The following PLEKHG1 variants were observed in gnomAD, a reference collection of about 807,000 sequenced individuals.
PLEKHG1 encodes pleckstrin homology domain-containing family G member 1.
Under a neutral mutation model 100.8 loss-of-function variants are expected in PLEKHG1, and 44 were observed. The ratio of observed to expected loss-of-function variants is 0.44; its 90% CI spans 0.34 to 0.56. PLEKHG1 has a LOEUF of 0.56. PLEKHG1 is among the 20% of genes least tolerant of loss of function. The probability of loss-of-function intolerance (pLI) is 0.01; values close to 1 mark genes in which losing one functional copy is unlikely to be tolerated. For missense variants in PLEKHG1, 1,545 were observed against 1,720.9 expected, an observed-to-expected ratio of 0.90 and a Z score of 1.81; for synonymous variants, 640 against 662.5, an observed-to-expected ratio of 0.97 and a Z score of 0.52.
At chr6:150,785,940 T>C (rs760234139) in intron 3 of PLEKHG1, among the ~76,000 whole-genome samples, 3 of 151,870 alleles carry the variant, frequency 2.0e-5, no homozygotes, top group Non-Finnish European at 4.4e-5. Flanking sequence ...ATCCCCACAA[T>C]CCAGTCTGTG....
intron 1 of PLEKHG1, among the ~76,000 whole-genome samples, chr6:150,629,428 A>G (rs933077514): frequency 6.6e-6 from 1 of 152,132 alleles, no homozygotes; most frequent in Admixed American, 6.5e-5. Flanking sequence ...CCTTTAAGAC[A>G]TGTGACAAAG....
At chr6:150,616,947 A>G (rs528282375) in intron 1 of PLEKHG1, among the ~76,000 whole-genome samples, 6 of 152,374 alleles carry the variant, frequency 3.9e-5, no homozygotes, top group East Asian at 1.9e-4. Flanking sequence ...TATGACCTCA[A>G]TTGAGGGAGA....
intron 15 of PLEKHG1, among the ~76,000 whole-genome samples, chr6:150,838,386 A>G (rs554388663): frequency 6.6e-6 from 1 of 152,104 alleles, no homozygotes; most frequent in African/African-American, 2.4e-5. Context: ...CTTTCTTAAA[A>G]CATTAAGGGT....
Position 150,756,832 on chromosome 6 carries a change from G to A in PLEKHG1, c.412-11806G>A, listed in dbSNP as rs558797825. On this transcript the variant is annotated intron_variant, in intron 2 of 15. Transcript: ENST00000358517. Reference sequence around the variant, plus strand: ...CACCAAATGAACACTGTTTGAGTACGTACTGTATGCAGACCAGTTGCTGTG... The same window carrying A: ...CACCAAATGAACACTGTTTGAGTACATACTGTATGCAGACCAGTTGCTGTG... Among the ~76,000 whole-genome samples the A allele has an allele frequency of 1.2e-4, 18 of 152,268 alleles. 2 individuals carry two copies. The South Asian group carries it at 3.5e-3, about 30-fold the overall frequency.
At chr6:150,674,630 TCC>T (rs200469531) in intron 3 of PLEKHG1, among the ~76,000 whole-genome samples, 3,636 of 83,008 alleles carry the variant, frequency 0.044, 332 homozygotes, top group African/African-American at 0.072. Context: ...CTCTCTCTCC[TCC>T]CTCTCTCTCT....
chr6:150,754,700 C>G (rs186942765), intron 2 of PLEKHG1, among the ~76,000 whole-genome samples: 1 of 148,650 alleles, frequency 6.7e-6, no homozygotes, highest in Non-Finnish European at 1.5e-5. Flanking sequence ...TCGAGTTTCA[C>G]TGTCATTGCC....
At chr6:150,599,890 T>G in exon 1 of PLEKHG1, 1 of 181,766 alleles carries the variant, frequency 5.5e-6, no homozygotes, top group Non-Finnish European at 1.1e-5. Flanking sequence ...AGCCCGAGCC[T>G]GAGCCCGAGC....
intron 3 of PLEKHG1, among the ~76,000 whole-genome samples, chr6:150,710,475 CAG>C (rs1236602832): frequency 3.9e-5 from 6 of 152,088 alleles, no homozygotes; most frequent in Non-Finnish European, 5.9e-5. Flanking sequence ...GAGGCAGGAA[CAG>C]AGTCATGGTT....
At chr6:150,669,750 C>T (rs1373232490) in intron 3 of PLEKHG1, among the ~76,000 whole-genome samples, 1 of 151,966 alleles carries the variant, frequency 6.6e-6, no homozygotes, top group Admixed American at 6.6e-5. Context: ...GCGCCTGCCA[C>T]CACGCCCAGC....
At chr6:150,730,530 G>A (rs1348185274) in intron 1 of PLEKHG1, among the ~76,000 whole-genome samples, 4 of 152,224 alleles carry the variant, frequency 2.6e-5, no homozygotes, top group East Asian at 1.9e-4. Context: ...AGCAATGCTC[G>A]CTTGCCCATC....
At position 150,798,932 on chromosome 6, in the gene PLEKHG1, G is replaced by T. The variant is rs1562527879; in HGVS notation, c.630-1787G>T. Reference sequence around the variant, plus strand: ...ATTTTTGTATTTTTAGGAGAGAGGGGGTTTCACCATGTTGGCCAGGCTGGT... The same window carrying T: ...ATTTTTGTATTTTTAGGAGAGAGGGTGTTTCACCATGTTGGCCAGGCTGGT... On this transcript the variant is annotated intron_variant, in intron 5 of 15. Transcript: ENST00000358517. 2.6e-5 allele frequency among the ~76,000 whole-genome samples: 4 copies of T among 152,184 alleles called. No homozygotes were observed. In the East Asian group the frequency reaches 7.8e-4, roughly 30 times the overall value.
intron 3 of PLEKHG1, among the ~76,000 whole-genome samples, chr6:150,670,597 G>A (rs548561964): frequency 6.6e-6 from 1 of 152,140 alleles, no homozygotes; most frequent in Non-Finnish European, 1.5e-5. Flanking sequence ...GCATTCTTGT[G>A]CTCATTCAGC....
chr6:150,733,720 T>C (rs1782405533), exon 2 of PLEKHG1: 3 of 1,614,056 alleles, frequency 1.9e-6, no homozygotes, highest in Non-Finnish European at 2.5e-6. Context: ...TCAGCTTCGG[T>C]TCCACATCAT....
intron 15 of PLEKHG1, among the ~76,000 whole-genome samples, chr6:150,837,194 C>T (rs1777273067): frequency 6.6e-6 from 1 of 152,160 alleles, no homozygotes; most frequent in Non-Finnish European, 1.5e-5. Context: ...AAGTAACCTA[C>T]ATAAAATAAT....
chr6:150,814,493 C>T (rs2128673403), intron 10 of PLEKHG1, among the ~76,000 whole-genome samples: 1 of 152,312 alleles, frequency 6.6e-6, no homozygotes, highest in African/African-American at 2.4e-5. Flanking sequence ...ACACACTGTG[C>T]TGAGTACTTT....
chr6:150,811,991 G>A (rs1217221758), intron 10 of PLEKHG1, among the ~76,000 whole-genome samples: 14 of 152,208 alleles, frequency 9.2e-5, no homozygotes, highest in Admixed American at 9.2e-4. Context: ...TGGAGCCACA[G>A]CGACAGAGGG....
At chr6:150,709,034 C>A (rs1366760682) in intron 3 of PLEKHG1, among the ~76,000 whole-genome samples, 1 of 152,138 alleles carries the variant, frequency 6.6e-6, no homozygotes, top group Non-Finnish European at 1.5e-5. Flanking sequence ...ACAAATTCTG[C>A]CACAGAAGGA....
intron 3 of PLEKHG1, among the ~76,000 whole-genome samples, chr6:150,706,627 T>C (rs1050309222): frequency 7.9e-5 from 10 of 126,166 alleles, no homozygotes; most frequent in Admixed American, 1.6e-4. Context: ...AAAAAAAAAA[T>C]CAAAAACAAA....
Position 150,821,283 on chromosome 6 carries a change from A to C in PLEKHG1, c.1447+50A>C, listed in dbSNP as rs769254089. The C allele has an allele frequency of 6.0e-6, 7 of 1,168,576 alleles. No individual in the cohort carries two copies. The South Asian group carries it at 8.8e-5, about 15-fold the overall frequency. The allele number at this position is 1,168,576 out of a possible 1,614,324, so 72.4% of individuals were successfully genotyped here. Reference sequence around the variant, plus strand: ...GTTTCATTCTTGTTGATATTCACTAAATCAAACCACACAAAAATAAATAAA... The same window carrying C: ...GTTTCATTCTTGTTGATATTCACTACATCAAACCACACAAAAATAAATAAA... On this transcript the variant is annotated intron_variant, in intron 13 of 15. Transcript: ENST00000358517.
Sources: allele counts gnomAD v4.1 joint callset (sites outside exome capture counted in the v4.1 genomes callset), GRCh38; gene constraint gnomAD v4.1.1; transcripts MANE v1.5; gene names NCBI Gene and HGNC (gene_info 2026-07-23, HGNC 2026-07-21).